The following ITGA9 variants were observed in gnomAD, a reference collection of about 807,000 sequenced individuals.
ITGA9 encodes the protein integrin subunit alpha 9, also known as integrin alpha-9.
A neutral mutation model predicts 127.8 loss-of-function variants in ITGA9; 56 were observed. The ratio of observed to expected loss-of-function variants is 0.44; its 90% confidence interval spans 0.35 to 0.55. ITGA9 has a LOEUF of 0.55. ITGA9 is among the 20% of genes least tolerant of loss of function. The probability of loss-of-function intolerance (pLI) is 0.00; values close to 1 mark genes in which losing one functional copy is unlikely to be tolerated. For synonymous variants in ITGA9, 508 were observed against 514.5 expected (o/e 0.99, Z 0.17); for missense variants, 1,196 against 1,347.1 (o/e 0.89, Z 1.76).
At chr3:37,592,913 G>A (rs1699834439) in intron 15 of ITGA9, among the ~76,000 whole-genome samples, 1 of 152,178 alleles carries the variant, frequency 6.6e-6, no homozygotes, top group African/African-American at 2.4e-5. Context: ...ACCCCTTGCA[G>A]CTATAGTGGA....
At chr3:37,728,170 T>A (rs949075389) in intron 18 of ITGA9, among the ~76,000 whole-genome samples, 1 of 152,186 alleles carries the variant, frequency 6.6e-6, no homozygotes, top group Non-Finnish European at 1.5e-5. Flanking sequence ...GTGTAGGCAA[T>A]GATTGGAACT....
chr3:37,683,742 G>C, intron 17 of ITGA9, 123 bp from the exon 18 acceptor site: 1 of 957,718 alleles, frequency 1.0e-6, no homozygotes, highest in South Asian at 1.4e-5. Flanking sequence ...GCTAGTTAAT[G>C]GGGCTCCTGG....
intron 13 of ITGA9, among the ~76,000 whole-genome samples, chr3:37,530,966 T>C (rs570879475): frequency 1.3e-5 from 2 of 151,962 alleles, no homozygotes; most frequent in Non-Finnish European, 2.9e-5. Flanking sequence ...TTAGCCAGTA[T>C]GGTCTCGATC....
chr3:37,770,372 T>C (rs929838274), intron 23 of ITGA9, among the ~76,000 whole-genome samples: 7 of 152,186 alleles, frequency 4.6e-5, no homozygotes, highest in Admixed American at 3.9e-4. Context: ...CAGAGGACTT[T>C]TCTGCCTCTT....
intron 26 of ITGA9, among the ~76,000 whole-genome samples, chr3:37,794,568 G>T (rs1242314124): frequency 3.3e-5 from 5 of 152,200 alleles, no homozygotes; most frequent in Admixed American, 6.5e-5. Context: ...GACTCCTCGG[G>T]ATTCTCCATC....
rs558039625 is a variant in ITGA9 at position 37,800,833 on chromosome 3, C to G, written c.2890-2990C>G. ...CTGTACAGCAGTGAGAGTGGACATGCCACAGCCTGGAGCAATTTCCCAAAC... is the reference window on the plus strand; with the variant it reads ...CTGTACAGCAGTGAGAGTGGACATGGCACAGCCTGGAGCAATTTCCCAAAC... On this transcript the variant is annotated intron_variant, in intron 26 of 27. Coordinates refer to ENST00000264741, the MANE Select transcript of ITGA9 (RefSeq NM_002207.3). Among the ~76,000 whole-genome samples, 18 of 152,278 alleles carry G rather than the reference C, an allele frequency of 1.2e-4. No homozygotes were observed. In the South Asian group the frequency reaches 3.7e-3, roughly 32 times the overall value.
At chr3:37,484,522 G>T (rs6550478) in intron 4 of ITGA9, among the ~76,000 whole-genome samples, 1 of 151,726 alleles carries the variant, frequency 6.6e-6, no homozygotes, top group East Asian at 1.9e-4. Flanking sequence ...CACGTTAGGG[G>T]TCACATTATG....
intron 17 of ITGA9, among the ~76,000 whole-genome samples, chr3:37,669,561 G>A (rs1489252369): frequency 2.0e-5 from 3 of 152,258 alleles, no homozygotes; most frequent in Middle Eastern, 3.4e-3. Context: ...TCTCCTGTCC[G>A]GGCAGGCTGA....
chr3:37,662,345 A>G (rs56234227), intron 17 of ITGA9, among the ~76,000 whole-genome samples: 10,693 of 152,064 alleles, frequency 0.07, 1,192 homozygotes, highest in African/African-American at 0.23. Flanking sequence ...AGAGGTTGCA[A>G]TGAGCTGAGA....
At position 37,748,745 on chromosome 3, in the gene ITGA9, C is replaced by CT. The variant is rs1435837841; in HGVS notation, c.2434-1715dup. On this transcript the variant is annotated intron_variant, in intron 22 of 27. Coordinates refer to ENST00000264741, the MANE Select transcript of ITGA9 (RefSeq NM_002207.3). ...CCTGGGCGACAGAGCAAGACTCTGT[C>CT]TTAAAAAAAAAAAAAAAAAAAAGAA... 11 of 497,528 alleles carry CT rather than the reference C, an allele frequency of 2.2e-5. No individual in the cohort carries two copies. The African/African-American group carries it at 4.0e-4, about 18-fold the overall frequency. The allele number at this position is 497,528 out of a possible 1,614,324, so 30.8% of individuals were successfully genotyped here.
intron 15 of ITGA9, among the ~76,000 whole-genome samples, chr3:37,610,182 TG>T (rs2125625323): frequency 6.6e-6 from 1 of 152,316 alleles, no homozygotes; most frequent in South Asian, 2.1e-4. Context: ...CTAGAATGGC[TG>T]GCTGGGTGAA....
At chr3:37,666,018 A>G (rs887215145) in intron 17 of ITGA9, among the ~76,000 whole-genome samples, 2 of 152,286 alleles carry the variant, frequency 1.3e-5, no homozygotes, top group Admixed American at 6.5e-5. Context: ...TCGTTTGACA[A>G]ATGTGGATGG....
chr3:37,637,965 G>A (rs1209051067), intron 16 of ITGA9, among the ~76,000 whole-genome samples: 1 of 152,160 alleles, frequency 6.6e-6, no homozygotes. Context: ...GAGCCACCGT[G>A]CCCGGCCAGC....
At chr3:37,697,213 A>G (rs1211897799) in intron 18 of ITGA9, among the ~76,000 whole-genome samples, 2 of 152,074 alleles carry the variant, frequency 1.3e-5, no homozygotes, top group Non-Finnish European at 2.9e-5. Context: ...TGTACAGGAC[A>G]GTCATGACCT....
At chr3:37,734,300 A>G (rs1696332041) in intron 19 of ITGA9, among the ~76,000 whole-genome samples, 1 of 152,254 alleles carries the variant, frequency 6.6e-6, no homozygotes, top group Admixed American at 6.5e-5. Context: ...ACCACAATCC[A>G]TGGACACTAT....
chr3:37,794,581 T>C (rs1697150665), intron 26 of ITGA9, among the ~76,000 whole-genome samples: 2 of 152,212 alleles, frequency 1.3e-5, no homozygotes, highest in Non-Finnish European at 2.9e-5. Flanking sequence ...TCTCCATCGC[T>C]TGAGGTAAAT....
At chr3:37,755,268 A>G (rs1212232437) in intron 23 of ITGA9, among the ~76,000 whole-genome samples, 1 of 152,188 alleles carries the variant, frequency 6.6e-6, no homozygotes, top group Admixed American at 6.5e-5. Flanking sequence ...TCCAAAGTTC[A>G]CGTGGTTCCC....
chr3:37,494,260 G>A (rs920523375), intron 4 of ITGA9, among the ~76,000 whole-genome samples: 7 of 152,242 alleles, frequency 4.6e-5, no homozygotes, highest in African/African-American at 1.7e-4. Flanking sequence ...TCTCGCACAC[G>A]AGGGGAGGAA....
intron 8 of ITGA9, 112 bp downstream of exon 8, chr3:37,508,739 T>C (rs1698871198): frequency 2.5e-6 from 2 of 792,456 alleles, no homozygotes; most frequent in Non-Finnish European, 4.4e-6. Flanking sequence ...TGTGTTTATA[T>C]GGCAGTGCTG....
Sources: gnomAD v4.1 joint callset for allele counts (sites outside exome capture counted in the v4.1 genomes callset) on GRCh38, gnomAD v4.1.1 for gene constraint, MANE v1.5 for transcripts, NCBI Gene and HGNC (gene_info 2026-07-23, HGNC 2026-07-21) for gene names.